Variants in BLTP2 observed in about 807,000 individuals in gnomAD.
BLTP2 encodes bridge-like lipid transfer protein family member 2.
the BLTP2 span, chr17:28,644,328 C>A: frequency 1.1e-6 from 1 of 888,290 alleles, no homozygotes; most frequent in Non-Finnish European, 1.7e-6. Flanking sequence ...AAGCACCACT[C>A]TGTCATATAC....
chr17:28,643,785 T>C, the BLTP2 span: 3 of 990,412 alleles, frequency 3.0e-6, no homozygotes, highest in African/African-American at 4.8e-5. Flanking sequence ...TTGAATCCCA[T>C]CTTAAATTAG....
chr17:28,643,656 T>C, the BLTP2 span: 1 of 1,614,084 alleles, frequency 6.2e-7, no homozygotes, highest in Non-Finnish European at 8.5e-7. Context: ...AGGTTATCAA[T>C]TTCCTAAAAC....
chr17:28,616,002 T>C, the BLTP2 span: 1 of 1,135,300 alleles, frequency 8.8e-7, no homozygotes, highest in Non-Finnish European at 1.3e-6. This position sits in a 1 kb window ranked among gnomAD's most constrained non-coding sequence, Gnocchi z 4.8. Flanking sequence ...CAGCTCAGCA[T>C]CACAAACAAC....
At chr17:28,642,388 A>G in the BLTP2 span, 1 of 1,487,120 alleles carries the variant, frequency 6.7e-7, no homozygotes, top group Non-Finnish European at 9.4e-7. Flanking sequence ...GCGGTGGCTC[A>G]CGCCTGTAAC....
the BLTP2 span, chr17:28,643,680 G>A: frequency 6.2e-7 from 1 of 1,612,424 alleles, no homozygotes; most frequent in Non-Finnish European, 8.5e-7. Context: ...GAGGGAGAAA[G>A]CTCTGTGTGC....
At chr17:28,633,300 G>A in the BLTP2 span, 14 of 1,613,318 alleles carry the variant, frequency 8.7e-6, no homozygotes, top group Admixed American at 1.7e-5. Flanking sequence ...CTGTTCTCAC[G>A]TTGATATCCA....
At chr17:28,644,314 T>C in the BLTP2 span, 2 of 998,468 alleles carry the variant, frequency 2.0e-6, no homozygotes, top group Non-Finnish European at 1.5e-6. Context: ...TCTCCTTTCT[T>C]CCAAAGCACC....
At chr17:28,615,268 A>T in the BLTP2 span, 7 of 1,572,976 alleles carry the variant, frequency 4.5e-6, no homozygotes, top group Admixed American at 9.5e-5. Context: ...GAGAGGAGTA[A>T]AAGAAAATGT....
the BLTP2 span, chr17:28,617,479 T>G: frequency 1.7e-6 from 1 of 574,298 alleles, no homozygotes; most frequent in Non-Finnish European, 3.1e-6. Context: ...TAATCCAGTG[T>G]GTCTCATGGG....
the BLTP2 span, chr17:28,632,884 G>C: frequency 7.7e-7 from 1 of 1,291,652 alleles, no homozygotes. Flanking sequence ...AAAGTCCCCA[G>C]CATCCATGCC....
the BLTP2 span, chr17:28,614,894 A>G: frequency 4.5e-6 from 3 of 672,082 alleles, no homozygotes; most frequent in Non-Finnish European, 5.2e-6. Flanking sequence ...AGAACTCAGC[A>G]TTACTGTCCA....
the BLTP2 span, chr17:28,619,054 A>G: frequency 2.7e-6 from 3 of 1,120,846 alleles, no homozygotes; most frequent in Admixed American, 2.2e-5. Context: ...AGAATGATGC[A>G]GGAGGTAAAC....
chr17:28,624,943 A>G, the BLTP2 span, among the ~76,000 whole-genome samples: 1 of 152,222 alleles, frequency 6.6e-6, no homozygotes, highest in Non-Finnish European at 1.5e-5. Context: ...AGTCTCCAGA[A>G]TCAGACTAGT....
At chr17:28,642,240 G>A in the BLTP2 span, 5 of 1,610,818 alleles carry the variant, frequency 3.1e-6, no homozygotes, top group Non-Finnish European at 4.2e-6. Flanking sequence ...CGCCCAGGAG[G>A]AAATGAGGCA....
chr17:28,633,613 A>G, the BLTP2 span: 1 of 1,614,116 alleles, frequency 6.2e-7, no homozygotes, highest in South Asian at 1.1e-5. Flanking sequence ...ATGGAACAGA[A>G]GACGGCTCTT....
chr17:28,628,711 A>C, the BLTP2 span: 4 of 658,058 alleles, frequency 6.1e-6, no homozygotes, highest in Admixed American at 2.9e-5. Flanking sequence ...GAAGTGGGCA[A>C]ATCACGAGAT....
chr17:28,644,979 G>C, the BLTP2 span: 1 of 1,570,246 alleles, frequency 6.4e-7, no homozygotes, highest in East Asian at 2.4e-5. Flanking sequence ...GCGCGGCCGG[G>C]AACCCTCACC....
chr17:28,639,485 G>A, the BLTP2 span: 331 of 1,613,354 alleles, frequency 2.1e-4, 1 homozygote, highest in African/African-American at 3.6e-3. Flanking sequence ...CCAGAACTGT[G>A]GGTTTGGGTT....
chr17:28,618,165 T>G, the BLTP2 span, among the ~76,000 whole-genome samples: 2 of 152,122 alleles, frequency 1.3e-5, no homozygotes, highest in African/African-American at 4.8e-5. Context: ...GCTCCTGACC[T>G]CAGGTGATGC....
Sources: gnomAD v4.1 joint callset for allele counts (sites outside exome capture counted in the v4.1 genomes callset) on GRCh38, gnomAD v4.1.1 for gene constraint, Gnocchi (gnomAD v3.1) non-coding constraint, MANE v1.5 for transcripts, NCBI Gene and HGNC (gene_info 2026-07-23, HGNC 2026-07-21) for gene names.